Variants in PLEC observed in about 807,000 individuals in gnomAD.
The protein encoded by PLEC is hemidesmosomal protein 1.
Under a neutral mutation model 392.8 loss-of-function variants are expected in PLEC, and 216 were observed. The ratio of observed to expected loss-of-function variants is 0.55; its 90% CI spans 0.49 to 0.62. PLEC has a LOEUF of 0.62. PLEC is among the 20% of genes least tolerant of loss of function. The pLI, the probability that PLEC is intolerant of heterozygous loss-of-function variation, is 0.00. For synonymous variants in PLEC, 3,621 were observed against 2,980.6 expected (o/e 1.21, Z -7.00); for missense variants, 6,863 against 6,563.4 (o/e 1.05, Z -1.58).
At position 143,924,942 on chromosome 8, in the gene PLEC, C is replaced by T. The variant is rs1554699882; in HGVS notation, c.4987G>A (p.Glu1663Lys). The T allele has an allele frequency of 6.3e-7, 1 of 1,582,478 alleles. No homozygotes were observed. The part of the protein sequence containing the change: ...QQKSLAQAEA[E>K]KQKEEAEREA... ...CGCTCCGCCTCCTCCTTCTGCTTCT[C>T]AGCCTCGGCCTGCGCCAGGCTCTTC... Residue 1663 changes from glutamate to lysine, a missense_variant, in exon 31 of 32, where the codon GAG becomes AAG. Physicochemically the swap from Glu to Lys is moderately conservative, Grantham distance 56. Transcript: ENST00000345136.
At position 143,917,614 on chromosome 8, in the gene PLEC, G is replaced by A. The variant is rs377288637; in HGVS notation, c.12207C>T (p.Arg4069=). 1.5e-5 allele frequency: 25 copies of A among 1,613,744 alleles called. No individual in the cohort carries two copies. Among genetic ancestry groups the A allele is most frequent in the African/African-American group, 9.3e-5 (7 of 75,048 alleles). The change falls in exon 32 of 32, where the codon CGC becomes CGT. Residue 4069 remains arginine (R), a synonymous_variant. Coordinates refer to ENST00000345136, the MANE Select transcript of PLEC (RefSeq NM_201384.3). ...CGTTCATCTCCTCATCGAAGAGGCCGCGCTTGTAGGCCACCTCCACGGGCA... is the reference window on the plus strand; with the variant it reads ...CGTTCATCTCCTCATCGAAGAGGCCACGCTTGTAGGCCACCTCCACGGGCA... ...HRLPVEVAYK[R]GLFDEEMNEI... is the part of the protein sequence containing the mutation.
rs782262476 is a variant in PLEC at position 143,917,161 on chromosome 8, G to C, written c.12660C>G (p.Asp4220Glu). The C allele has an allele frequency of 1.9e-6, 3 of 1,611,434 alleles. No individual in the cohort carries two copies. The highest frequency in any genetic ancestry group is 1.7e-6 in the Non-Finnish European group (2 of 1,178,418). ...AKNLIDRSAL[D>E]QYRAGTLSIT... ...TGGAGAGCGTGCCGGCGCGGTACTG[G>C]TCCAGTGCCGAGCGGTCGATGAGGT... Residue 4220 changes from aspartate (D) to glutamate (E), a missense_variant, in exon 32 of 32, where the codon GAC becomes GAG. Asp to Glu is a conservative substitution (Grantham distance 45). Coordinates refer to ENST00000345136, the MANE Select transcript of PLEC (RefSeq NM_201384.3).
chr8:143,922,428 C>T, intron 31 of PLEC, 33 bp from the exon 32 acceptor site: 1 of 1,600,616 alleles, frequency 6.2e-7, no homozygotes, highest in Non-Finnish European at 8.5e-7. Context: ...CAGGGACCGC[C>T]AGCCCAGGAG....
rs782605248 is a variant in PLEC at position 143,925,847 on chromosome 8, C to A, written c.4082G>T (p.Arg1361Leu). The part of the protein sequence containing the change: ...AEQQRAEERE[R>L]LAEVEAALEK... ...CAGCGCGGCCTCCACCTCGGCCAGC[C>A]GCTCGCGCTCCTCTGCCCGCTGCTG... The change falls in exon 31 of 32, where the codon CGG becomes CTG. Residue 1361 changes from arginine to leucine, a missense_variant. Physicochemically the swap from Arg to Leu is moderately radical, Grantham distance 102. Coordinates refer to ENST00000345136, the MANE Select transcript of PLEC (RefSeq NM_201384.3). 2.6e-6 allele frequency: 4 copies of A among 1,550,768 alleles called. No individual in the cohort carries two copies. The highest frequency in any genetic ancestry group is 3.5e-6 in the Non-Finnish European group (4 of 1,155,102).
Position 143,934,698 on chromosome 8 carries a change from C to T in PLEC, c.978G>A (p.Glu326=). The part of the protein sequence containing the change: ...ILWSQFLKFK[E]MELPAKEADK... Reference sequence around the variant, plus strand: ...CGGCCTCCTTGGCTGGTAGCTCCATCTCCTTAAACTTCAGGAACTGAGACC... The same window carrying T: ...CGGCCTCCTTGGCTGGTAGCTCCATTTCCTTAAACTTCAGGAACTGAGACC... The change falls in exon 10 of 32, where the codon GAG becomes GAA. Residue 326 remains glutamate (E), a synonymous_variant. Coordinates refer to ENST00000345136, the MANE Select transcript of PLEC (RefSeq NM_201384.3). 1 of 1,612,878 alleles carries T rather than the reference C, an allele frequency of 6.2e-7. No homozygotes were observed. Among genetic ancestry groups the T allele is most frequent in the Non-Finnish European group, 8.5e-7 (1 of 1,179,956 alleles).
rs1554721328 is a variant in PLEC at position 143,934,745 on chromosome 8, G to A, written c.946-15C>T. On this transcript the variant is annotated splice_polypyrimidine_tract_variant and intron_variant, in intron 9 of 31. Transcript: ENST00000345136. ...GACCACAGGATCTGCCAGGGACGAGGCTGTCGGCAACCACGCCGGGCTCTC... is the reference window on the plus strand; with the variant it reads ...GACCACAGGATCTGCCAGGGACGAGACTGTCGGCAACCACGCCGGGCTCTC... 1.2e-6 allele frequency: 2 copies of A among 1,612,098 alleles called. No homozygotes were observed. Among genetic ancestry groups the A allele is most frequent in the Non-Finnish European group, 1.7e-6 (2 of 1,179,918 alleles).
rs111282136 is a variant in PLEC at position 143,925,699 on chromosome 8, G to A, written c.4230C>T (p.Asp1410=). ...GAATGCTGCGCTTCTGCTGCTGCGCGTCCACCGCCGCCTCCTCCCGCCGCA... is the reference window on the plus strand; with the variant it reads ...GAATGCTGCGCTTCTGCTGCTGCGCATCCACCGCCGCCTCCTCCCGCCGCA... The part of the protein sequence containing the change: ...EVVRREEAAV[D]AQQQKRSIQE... Residue 1410 remains aspartate, a synonymous_variant, in exon 31 of 32, where the codon GAC becomes GAT. Transcript: ENST00000345136. 2,391 of 1,591,996 alleles carry A rather than the reference G, an allele frequency of 1.5e-3. 2 individuals carry two copies. Among genetic ancestry groups the A allele is most frequent in the Non-Finnish European group, 1.8e-3 (2,161 of 1,176,522 alleles).
rs1564109687 is a variant in PLEC, at chr8:143,930,370, CG to C, written c.2457+13del. The C allele has an allele frequency of 6.3e-7, 1 of 1,575,058 alleles. No homozygotes were observed. Among genetic ancestry groups the C allele is most frequent in the Admixed American group, 1.8e-5 (1 of 55,108 alleles). ...CTGGCCACGCCCCCCAGTGGACCCCCGGCCTGCGCTCACCTCCACCTGCTTA... is the reference window on the plus strand; with the variant it reads ...CTGGCCACGCCCCCCAGTGGACCCCCGCCTGCGCTCACCTCCACCTGCTTA... On this transcript the variant is annotated intron_variant, in intron 20 of 31. Transcript: ENST00000345136.
At chr8:143,968,872 G>A (rs1385282174) in intron 1 of PLEC, among the ~76,000 whole-genome samples, 1 of 152,204 alleles carries the variant, frequency 6.6e-6, no homozygotes, top group Non-Finnish European at 1.5e-5. Flanking sequence ...GTGAGGATGT[G>A]AGGAAATTGG....
At chr8:143,972,693 G>C (rs1186668097) in intron 1 of PLEC, among the ~76,000 whole-genome samples, 1 of 152,230 alleles carries the variant, frequency 6.6e-6, no homozygotes, top group Non-Finnish European at 1.5e-5. Context: ...CAACCGCCTG[G>C]AGCCGGGCGA....
rs1830029557 is a variant in PLEC, at chr8:143,939,580, GGCTCAGCTCA to G, written c.-129_-120del. The G allele has an allele frequency of 4.6e-6, 7 of 1,517,378 alleles. No individual in the cohort carries two copies. Among genetic ancestry groups the G allele is most frequent in the Non-Finnish European group, 6.2e-6 (7 of 1,134,330 alleles). 94.0% of individuals were successfully genotyped at this position (1,517,378 alleles called of 1,614,324 possible). The stretch of plus-strand genomic sequence containing the variant: ...CCCCACGAGACGCTCACTCGGCACA[GGCTCAGCTCA>G]GAGCCCCAGTCGGTGCGGCCACTCC... On this transcript the variant is annotated 5_prime_UTR_variant, in exon 1 of 32. Coordinates refer to ENST00000345136, the MANE Select transcript of PLEC (RefSeq NM_201384.3).
In PLEC at chr8:143,924,691, GGCTGCAGCCGCCTCAC is replaced by G; in HGVS notation, c.5222_5237del (p.Arg1741ProfsTer172). 1 of 1,534,422 alleles carries G rather than the reference GGCTGCAGCCGCCTCAC, an allele frequency of 6.5e-7. No homozygotes were observed. The highest frequency in any genetic ancestry group is 8.7e-7 in the Non-Finnish European group (1 of 1,146,202). Reference sequence around the variant, plus strand: ...CTTCCAGCTCCTGCCGTTTCTGCGTGGCTGCAGCCGCCTCACGCTGCAGCCGGGCCAGCTCCTCCTC... The same window carrying G: ...CTTCCAGCTCCTGCCGTTTCTGCGTGGCTGCAGCCGGGCCAGCTCCTCCTC... On this transcript the variant is annotated frameshift_variant, in exon 31 of 32. Coordinates refer to ENST00000345136, the MANE Select transcript of PLEC (RefSeq NM_201384.3). LOFTEE classifies it high-confidence loss of function.
upstream of PLEC, chr8:143,953,979 C>A (rs992242158): frequency 1.7e-5 from 22 of 1,280,314 alleles, no homozygotes; most frequent in South Asian, 5.2e-5. Flanking sequence ...CCCCTCCCCC[C>A]CAGCCTGTGG....
chr8:143,922,630 T>C lies in PLEC; in HGVS notation c.7299A>G (p.Thr2433=), dbSNP rs782540007. ...CACTCTGCTGTCGCTGGATCTCCAG[T>C]GTCTGCACCAGGGTCACCTTCTCCT... ...ATQEKVTLVQ[T]LEIQRQQSDH... is the part of the protein sequence containing the mutation. Residue 2433 remains threonine (T), a synonymous_variant, in exon 31 of 32, where the codon ACA becomes ACG. Transcript: ENST00000345136. 3.7e-6 allele frequency: 6 copies of C among 1,613,610 alleles called. No individual in the cohort carries two copies. Among genetic ancestry groups the C allele is most frequent in the African/African-American group, 1.3e-5 (1 of 75,054 alleles).
upstream of PLEC, chr8:143,943,797 A>C: frequency 2.5e-6 from 4 of 1,611,904 alleles, no homozygotes; most frequent in South Asian, 4.4e-5. Context: ...TCCTGCGCCC[A>C]CCGACGTCCC....
At chr8:143,931,061 G>A (rs7005725) in intron 19 of PLEC, among the ~76,000 whole-genome samples, 11,984 of 152,188 alleles carry the variant, frequency 0.079, 1,443 homozygotes, top group African/African-American at 0.26. Context: ...CACTCTGCCC[G>A]CTCCAGATCT....
chr8:143,953,921 G>A (rs1040893640), upstream of PLEC: 16 of 1,444,454 alleles, frequency 1.1e-5, no homozygotes, highest in African/African-American at 1.3e-4. Context: ...GCTGATCAAT[G>A]CGCCGGACAG....
At position 143,922,956 on chromosome 8, in the gene PLEC, G is replaced by C. The variant is rs782812912; in HGVS notation, c.6973C>G (p.Leu2325Val). 6.2e-7 allele frequency: 1 copy of C among 1,609,830 alleles called. No individual in the cohort carries two copies. Among genetic ancestry groups the C allele is most frequent in the East Asian group, 2.2e-5 (1 of 44,748 alleles). The change falls in exon 31 of 32, where the codon CTC (leucine) becomes GTC (valine). Residue 2325 changes from leucine (L) to valine (V), a missense_variant. By Grantham distance (32) the Leu-to-Val change is conservative. Transcript: ENST00000345136. ...TGCAGCAGTTCCGCCTCAGCCTTGA[G>C]TCGCGTGGCCTCCTGCACCGCCTGC... Reference protein sequence around the residue: ...KMQAVQEATRLKAEAELLQQQ... With the variant: ...KMQAVQEATRVKAEAELLQQQ...
rs200848972 is a variant in PLEC at position 143,933,999 on chromosome 8, G to A, written c.1262C>T (p.Ser421Leu). ...QLNQADALLQSDVRLLAAGKV... is the reference protein window; with the variant it reads ...QLNQADALLQLDVRLLAAGKV... ...ACTGCCTGCCCCACACCCCCTCACCGACTGCAGCAGGGCGTCGGCCTGGTT... is the reference window on the plus strand; with the variant it reads ...ACTGCCTGCCCCACACCCCCTCACCAACTGCAGCAGGGCGTCGGCCTGGTT... The change falls in exon 12 of 32, where the codon TCG becomes TTG. Residue 421 changes from serine (S) to leucine (L), a missense_variant and splice_region_variant. Transcript: ENST00000345136. 9.1e-5 allele frequency: 144 copies of A among 1,574,562 alleles called. No homozygotes were observed. Among genetic ancestry groups the A allele is most frequent in the East Asian group, 5.6e-4 (24 of 43,150 alleles).
Sources: allele counts gnomAD v4.1 joint callset (sites outside exome capture counted in the v4.1 genomes callset), GRCh38; gene constraint gnomAD v4.1.1; transcripts MANE v1.5; gene names NCBI Gene and HGNC (gene_info 2026-07-23, HGNC 2026-07-21).